CDH18: variants seen among roughly 807,000 people sequenced by gnomAD.
CDH18 encodes the protein cadherin 18.
CDH18 carries 31 observed loss-of-function variants against 67.9 expected under a neutral mutation model. The ratio of observed to expected loss-of-function variants is 0.46; its 90% CI spans 0.34 to 0.62. The LOEUF is 0.62. Ranked by LOEUF, CDH18 falls within the 20% of genes least tolerant of loss-of-function variation. The pLI is 0.01. For synonymous variants in CDH18, 362 were observed against 347.2 expected, an observed-to-expected ratio of 1.04 and a Z score of -0.48; for missense variants, 890 against 975.5, an observed-to-expected ratio of 0.91 and a Z score of 1.17.
chr5:20,055,896 A>G (rs1300497808), intron 2 of CDH18, among the ~76,000 whole-genome samples: 1 of 151,492 alleles, frequency 6.6e-6, no homozygotes, highest in Non-Finnish European at 1.5e-5. Context: ...AGCAATAGCT[A>G]CTGCTGTCTG....
chr5:19,629,589 G>A (rs1752100408), intron 5 of CDH18, among the ~76,000 whole-genome samples: 1 of 152,112 alleles, frequency 6.6e-6, no homozygotes, highest in Admixed American at 6.6e-5. Context: ...AGGCAAGTGA[G>A]ATAAAAGTCA....
At chr5:19,985,079 T>C (rs946364698) in intron 1 of CDH18, among the ~76,000 whole-genome samples, 11 of 152,140 alleles carry the variant, frequency 7.2e-5, no homozygotes, top group Admixed American at 7.2e-4. Context: ...AAGTGAAATT[T>C]GTCTTCAACC....
At chr5:20,055,397 TG>T (rs1741814681) in intron 2 of CDH18, among the ~76,000 whole-genome samples, 3 of 152,226 alleles carry the variant, frequency 2.0e-5, no homozygotes, top group Admixed American at 2.0e-4. Flanking sequence ...TAGTTTTTAT[TG>T]TGGAGTCAGC....
chr5:19,645,537 A>C (rs554420450), intron 5 of CDH18, among the ~76,000 whole-genome samples: 4 of 152,170 alleles, frequency 2.6e-5, no homozygotes, highest in Non-Finnish European at 5.9e-5. Flanking sequence ...GTGGTAGTGG[A>C]GGTAGAAGAG....
intron 2 of CDH18, among the ~76,000 whole-genome samples, chr5:20,062,466 C>T (rs539182974): frequency 6.6e-6 from 1 of 152,190 alleles, no homozygotes; most frequent in African/African-American, 2.4e-5. Context: ...ACAAATACAG[C>T]AGCATCCTGA....
At chr5:20,239,163 T>A (rs1357388298) in intron 2 of CDH18, among the ~76,000 whole-genome samples, 1 of 152,090 alleles carries the variant, frequency 6.6e-6, no homozygotes, top group East Asian at 1.9e-4. Flanking sequence ...ATTTATAAAA[T>A]GCTCCAGTAG....
At chr5:20,004,566 G>A (rs1385829079) in intron 2 of CDH18, among the ~76,000 whole-genome samples, 9 of 152,146 alleles carry the variant, frequency 5.9e-5, no homozygotes, top group Non-Finnish European at 8.8e-5. Context: ...AACGTATGAG[G>A]AAACTTAAGC....
rs552034185 is a variant in CDH18 at position 19,508,983 on chromosome 5, C to T, written c.1513-5874G>A. Among the ~76,000 whole-genome samples, 18 of 151,112 alleles carry T rather than the reference C, an allele frequency of 1.2e-4. No homozygotes were observed. The East Asian group carries it at 2.7e-3, about 23-fold the overall frequency. ...TCACCTCCTGGGTTCAAGTGATTCT[C>T]GTGTCTCAGCCACCGAGTAGTTGGG... On this transcript the variant is annotated intron_variant, in intron 10 of 12. Transcript: ENST00000382275.
In CDH18 at chr5:19,483,305, G is replaced by T. The variant is rs572920988; in HGVS notation, c.1878C>A (p.Leu626=). 2.9e-5 allele frequency: 46 copies of T among 1,612,184 alleles called. No individual in the cohort carries two copies. In the South Asian group the frequency reaches 4.7e-4, roughly 17 times the overall value. ...LIAILLCVLI[L]LAIVVLFITL... is the part of the protein sequence containing the mutation. ...TTAGGGTTTAGAATGACTTACCCAG[G>T]AGAATGAGAACACAGAGAAGAATAG... The change falls in exon 12 of 13, where the codon CTC becomes CTA. Residue 626 remains leucine, a synonymous_variant. Transcript: ENST00000382275.
intron 1 of CDH18, among the ~76,000 whole-genome samples, chr5:20,266,890 G>T (rs1272428148): frequency 6.6e-6 from 1 of 151,998 alleles, no homozygotes; most frequent in Non-Finnish European, 1.5e-5. Flanking sequence ...AAAAATTGCA[G>T]AACAAAATGT....
chr5:20,178,812 A>G (rs1580415513), intron 2 of CDH18, among the ~76,000 whole-genome samples: 1 of 152,164 alleles, frequency 6.6e-6, no homozygotes, highest in Non-Finnish European at 1.5e-5. Context: ...GGATGAGACC[A>G]TGGAGGCACT....
rs970674675 is a variant in CDH18, at chr5:20,152,288, A to G, written c.-518+103156T>C. ...ATATAAAAACTATATAATTATATAT[A>G]TATTGGGCTTGAAAACAAATTAAAA... On this transcript the variant is annotated intron_variant, in intron 2 of 14. Transcript: ENST00000507958. 4.3e-4 allele frequency among the ~76,000 whole-genome samples: 63 copies of G among 147,330 alleles called. No individual in the cohort carries two copies. In the Middle Eastern group the frequency reaches 0.014, roughly 34 times the overall value.
At chr5:19,725,560 G>A (rs1438839057) in intron 4 of CDH18, among the ~76,000 whole-genome samples, 1 of 152,104 alleles carries the variant, frequency 6.6e-6, no homozygotes, top group Non-Finnish European at 1.5e-5. Context: ...ACCTGAGGTT[G>A]GTGATTTGAG....
At chr5:20,232,490 A>C (rs924052822) in intron 2 of CDH18, among the ~76,000 whole-genome samples, 1 of 152,158 alleles carries the variant, frequency 6.6e-6, no homozygotes, top group African/African-American at 2.4e-5. Context: ...TTAGTTTAGA[A>C]TGTGGACACA....
chr5:19,689,584 A>G (rs1761575140), intron 5 of CDH18, among the ~76,000 whole-genome samples: 1 of 151,972 alleles, frequency 6.6e-6, no homozygotes, highest in African/African-American at 2.4e-5. Flanking sequence ...GAAATACATG[A>G]AAGTATAAAA....
chr5:20,066,339 C>T (rs79789942), intron 2 of CDH18, among the ~76,000 whole-genome samples: 1 of 152,046 alleles, frequency 6.6e-6, no homozygotes, highest in Non-Finnish European at 1.5e-5. Context: ...CAGAAAAACG[C>T]TACACTTTAG....
intron 1 of CDH18, among the ~76,000 whole-genome samples, chr5:20,558,242 A>C (rs543402720): frequency 6.6e-6 from 1 of 152,226 alleles, no homozygotes; most frequent in Non-Finnish European, 1.5e-5. Context: ...AATAGGACAA[A>C]GAGGTAAAAA....
chr5:19,759,364 T>A (rs2149698101), intron 3 of CDH18, among the ~76,000 whole-genome samples: 1 of 152,318 alleles, frequency 6.6e-6, no homozygotes, highest in Non-Finnish European at 1.5e-5. Context: ...TTCGATTTAC[T>A]ATTTTTATAG....
chr5:20,156,171 T>A (rs1351272951), intron 2 of CDH18, among the ~76,000 whole-genome samples: 1 of 152,056 alleles, frequency 6.6e-6, no homozygotes, highest in African/African-American at 2.4e-5. Flanking sequence ...GAAAACAGCA[T>A]GGAGATTTCT....
Sources: gnomAD v4.1 joint callset for allele counts (sites outside exome capture counted in the v4.1 genomes callset) on GRCh38, gnomAD v4.1.1 for gene constraint, MANE v1.5 for transcripts, NCBI Gene and HGNC (gene_info 2026-07-23, HGNC 2026-07-21) for gene names.